NPC1: variants seen among roughly 807,000 people sequenced by gnomAD.
NPC1 encodes Niemann-Pick C1 protein.
In NPC1, 85 loss-of-function variants were observed where a neutral mutation model predicts 140.4. The ratio of observed to expected loss-of-function variants is 0.61; its 90% CI spans 0.51 to 0.72. The LOEUF (loss-of-function observed/expected upper bound fraction) is 0.72, where lower values mean the gene tolerates loss of function less well. Among genes scored for constraint, NPC1 ranks in the 30% least tolerant of loss-of-function variants. The probability of loss-of-function intolerance (pLI) is 0.00; values close to 1 mark genes in which losing one functional copy is unlikely to be tolerated. For missense variants in NPC1, 1,504 were observed against 1,623.8 expected, an observed-to-expected ratio of 0.93 and a Z score of 1.27; for synonymous variants, 656 against 624.8, an observed-to-expected ratio of 1.05 and a Z score of -0.74.
chr18:23,519,189 C>T (rs770064244), downstream of NPC1: 12 of 1,604,748 alleles, frequency 7.5e-6, no homozygotes, highest in East Asian at 2.2e-5. Context: ...AAGCTGTCTG[C>T]GTTTCTACCA....
At chr18:23,561,828 T>C (rs1385133513) in intron 4 of NPC1, among the ~76,000 whole-genome samples, 2 of 152,120 alleles carry the variant, frequency 1.3e-5, no homozygotes, top group Non-Finnish European at 2.9e-5. Flanking sequence ...ATCCCCACTA[T>C]ATAGAAGAGT....
At position 23,531,955 on chromosome 18, in the gene NPC1, T is replaced by C; in HGVS notation, c.*247A>G. ...GTGTCACCTCCTGCTTGCCAAAGAA[T>C]GAGGTTTCTTTCCTGAAGAGGCTGG... On this transcript the variant is annotated 3_prime_UTR_variant, in exon 25 of 25. Transcript: ENST00000269228. The C allele has an allele frequency of 6.9e-7, 1 of 1,445,906 alleles. No individual in the cohort carries two copies. The highest frequency in any genetic ancestry group is 2.5e-5 in the East Asian group (1 of 40,162). 89.6% of individuals were successfully genotyped at this position (1,445,906 alleles called of 1,614,324 possible).
At chr18:23,559,959 C>CAAA (rs112490232) in intron 6 of NPC1, among the ~76,000 whole-genome samples, 2 of 137,542 alleles carry the variant, frequency 1.5e-5, no homozygotes, top group African/African-American at 5.3e-5. Context: ...ACTCAGTCTC[C>CAAA]AAAAAAAAAA....
chr18:23,532,642 C>T (rs2058549115), intron 24 of NPC1, among the ~76,000 whole-genome samples: 1 of 151,376 alleles, frequency 6.6e-6, no homozygotes, highest in African/African-American at 2.4e-5. Context: ...CACTATGTTG[C>T]CTAGGCTGGT....
At chr18:23,551,401 T>G (rs2058870437) in intron 10 of NPC1, 1 of 564,986 alleles carries the variant, frequency 1.8e-6, no homozygotes, top group African/African-American at 1.9e-5. Context: ...CTTCGACAGC[T>G]TCTCAAAGGC....
In NPC1 at chr18:23,561,543, C is replaced by A. The variant is rs775634956; in HGVS notation, c.464-16G>T. The A allele has an allele frequency of 2.5e-6, 4 of 1,613,064 alleles. No homozygotes were observed. In the South Asian group the frequency reaches 4.4e-5, roughly 18 times the overall value. On this transcript the variant is annotated splice_polypyrimidine_tract_variant and intron_variant, in intron 4 of 24. Coordinates refer to ENST00000269228, the MANE Select transcript of NPC1 (RefSeq NM_000271.5). ...TTGTACATTGCTAGAAGAGGAAACC[C>A]AAAGGAAAAAGGAGACAAGATGCTT...
intron 3 of NPC1, among the ~76,000 whole-genome samples, chr18:23,514,565 A>G: frequency 6.6e-6 from 1 of 151,964 alleles, no homozygotes; most frequent in East Asian, 2.0e-4. Context: ...CTCAAAAAAA[A>G]AAAAAATTTG....
At chr18:23,527,835 C>A, downstream of NPC1, 1 of 1,614,078 alleles carries the variant, frequency 6.2e-7, no homozygotes, top group African/African-American at 1.3e-5. Flanking sequence ...CCGTGATAGC[C>A]ACTGTTTTTG....
intron 22 of NPC1, 100 bp from the exon 23 acceptor site, chr18:23,534,659 G>T: frequency 1.1e-6 from 1 of 882,842 alleles, no homozygotes; most frequent in Non-Finnish European, 1.8e-6. Context: ...AGGGCACCCT[G>T]GGTGCTAGAG....
At chr18:23,515,571 C>CA (rs1485841971) in intron 3 of NPC1, among the ~76,000 whole-genome samples, 6 of 152,220 alleles carry the variant, frequency 3.9e-5, no homozygotes, top group African/African-American at 1.4e-4. Context: ...CTCTGTCACT[C>CA]ACGCTGGAGT....
downstream of NPC1, among the ~76,000 whole-genome samples, chr18:23,519,515 C>A (rs114598708): frequency 5.8e-3 from 864 of 148,408 alleles, 9 homozygotes; most frequent in African/African-American, 0.02. Context: ...AAGATCCTGT[C>A]TCCGAAAAAA....
At chr18:23,557,212 A>C in intron 6 of NPC1, 22 bp from the exon 7 acceptor site, 2 of 1,582,284 alleles carry the variant, frequency 1.3e-6, no homozygotes, top group Non-Finnish European at 8.7e-7. Flanking sequence ...AAGTGAAGAA[A>C]TAGCATTAGT....
At chr18:23,516,347 T>C in intron 3 of NPC1, 3 of 1,614,242 alleles carry the variant, frequency 1.9e-6, no homozygotes, top group African/African-American at 1.3e-5. Context: ...GCTGCCCAAA[T>C]TTGAGATTGA....
chr18:23,560,816 T>C (rs545224029), intron 5 of NPC1, among the ~76,000 whole-genome samples: 39 of 152,328 alleles, frequency 2.6e-4, no homozygotes, highest in African/African-American at 6.3e-4. Flanking sequence ...ACCCCCTTTT[T>C]AACTGCTTAT....
chr18:23,514,435 T>C (rs1258836459), intron 3 of NPC1, among the ~76,000 whole-genome samples: 1 of 152,072 alleles, frequency 6.6e-6, no homozygotes, highest in African/African-American at 2.4e-5. Context: ...TGGGCGCCTA[T>C]AATCCCAGTT....
At chr18:23,567,324 T>C (rs2059139997) in intron 4 of NPC1, among the ~76,000 whole-genome samples, 1 of 152,258 alleles carries the variant, frequency 6.6e-6, no homozygotes, top group African/African-American at 2.4e-5. Context: ...TCTTGAATTT[T>C]TGCCATTCTA....
chr18:23,516,537 G>C (rs756409120), intron 3 of NPC1: 5 of 1,039,878 alleles, frequency 4.8e-6, no homozygotes, highest in Non-Finnish European at 7.3e-6. Context: ...CACATAAGGA[G>C]GACTCCCCTT....
At chr18:23,517,683 CT>C (rs888094784), downstream of NPC1, among the ~76,000 whole-genome samples, 1 of 150,910 alleles carries the variant, frequency 6.6e-6, no homozygotes, top group African/African-American at 2.4e-5. Flanking sequence ...TTTCTTCTTC[CT>C]TTTTTTTTAA....
chr18:23,540,547 CAAAT>C lies in NPC1; in HGVS notation c.2515-14_2515-11del, dbSNP rs1567951151. 1 of 1,582,862 alleles carries C rather than the reference CAAAT, an allele frequency of 6.3e-7. No individual in the cohort carries two copies. Among genetic ancestry groups the C allele is most frequent in the East Asian group, 2.2e-5 (1 of 44,692 alleles). On this transcript the variant is annotated splice_polypyrimidine_tract_variant and intron_variant, in intron 16 of 24. Transcript: ENST00000269228. ...CCACAAATATTGCTATCTGGAACAACAAATGAATCATAAGACAGAGACTGCTTAG... is the reference window on the plus strand; with the variant it reads ...CCACAAATATTGCTATCTGGAACAACGAATCATAAGACAGAGACTGCTTAG...
Sources: gnomAD v4.1 joint callset for allele counts (sites outside exome capture counted in the v4.1 genomes callset) on GRCh38, gnomAD v4.1.1 for gene constraint, MANE v1.5 for transcripts, NCBI Gene and HGNC (gene_info 2026-07-23, HGNC 2026-07-21) for gene names.